Variants in NEO1 observed in about 807,000 individuals in gnomAD.
The protein encoded by NEO1 is neogenin 1, also known as neogenin.
In NEO1, 63 loss-of-function variants were observed where a neutral mutation model predicts 159.7. That is an observed-to-expected ratio of 0.39 (90% CI 0.32 to 0.49). The LOEUF (loss-of-function observed/expected upper bound fraction) is 0.49, where lower values mean the gene tolerates loss of function less well. NEO1 is among the 20% of genes least tolerant of loss of function. The probability of loss-of-function intolerance (pLI) is 0.85; values close to 1 mark genes in which losing one functional copy is unlikely to be tolerated. For synonymous variants in NEO1, 633 were observed against 662.0 expected, an observed-to-expected ratio of 0.96 and a Z score of 0.67; for missense variants, 1,615 against 1,831.0, an observed-to-expected ratio of 0.88 and a Z score of 2.15.
chr15:73,160,670 T>C (rs961673063), intron 5 of NEO1, among the ~76,000 whole-genome samples: 1 of 152,122 alleles, frequency 6.6e-6, no homozygotes, highest in African/African-American at 2.4e-5. Context: ...CCGTTTATTA[T>C]AAAGGATATT....
chr15:73,106,218 C>G (rs1172645685), intron 1 of NEO1, among the ~76,000 whole-genome samples: 2 of 152,002 alleles, frequency 1.3e-5, no homozygotes, highest in Non-Finnish European at 2.9e-5. Context: ...AATCTTTTAC[C>G]TTTTCCAGAA....
At chr15:73,077,108 A>T (rs2068805619) in intron 1 of NEO1, among the ~76,000 whole-genome samples, 1 of 152,122 alleles carries the variant, frequency 6.6e-6, no homozygotes, top group African/African-American at 2.4e-5. Context: ...TAGTGACATG[A>T]TCTCAGCTCC....
At chr15:73,268,429 A>T (rs1366199292) in intron 16 of NEO1, among the ~76,000 whole-genome samples, 1 of 152,240 alleles carries the variant, frequency 6.6e-6, no homozygotes, top group Non-Finnish European at 1.5e-5. Flanking sequence ...TTCTACAAGA[A>T]TTCTAATGAC....
chr15:73,246,124 G>A (rs929543911), intron 9 of NEO1, among the ~76,000 whole-genome samples: 2 of 152,162 alleles, frequency 1.3e-5, no homozygotes, highest in Non-Finnish European at 2.9e-5. Context: ...ACTTTCTAAT[G>A]CTATGGCATA....
chr15:73,088,899 G>A (rs8026121), intron 1 of NEO1, among the ~76,000 whole-genome samples: 45,025 of 151,906 alleles, frequency 0.3, 8,127 homozygotes, highest in Admixed American at 0.43. Flanking sequence ...GAAGGAAGAT[G>A]CTTCCTAAGA....
chr15:73,231,167 A>G (rs1449776239), intron 7 of NEO1, among the ~76,000 whole-genome samples: 1 of 152,218 alleles, frequency 6.6e-6, no homozygotes, highest in African/African-American at 2.4e-5. Flanking sequence ...GGAAGGATAT[A>G]AAATAGTTAA....
At chr15:73,073,529 G>C (rs2068633188) in intron 1 of NEO1, among the ~76,000 whole-genome samples, 1 of 152,084 alleles carries the variant, frequency 6.6e-6, no homozygotes, top group African/African-American at 2.4e-5. Context: ...AGTATGCAAG[G>C]AAAATGGGAT....
intron 1 of NEO1, among the ~76,000 whole-genome samples, chr15:73,110,368 T>G (rs1157867491): frequency 6.6e-6 from 1 of 152,224 alleles, no homozygotes; most frequent in African/African-American, 2.4e-5. Context: ...GCCCTGAGTT[T>G]CTGCTACTAC....
chr15:73,166,812 TGATGTGTACATG>T (rs2151912260), intron 5 of NEO1, among the ~76,000 whole-genome samples: 1 of 152,236 alleles, frequency 6.6e-6, no homozygotes, highest in South Asian at 2.1e-4. Flanking sequence ...CCCCCTTACC[TGATGTGTACATG>T]CCAACAGATC....
intron 7 of NEO1, among the ~76,000 whole-genome samples, chr15:73,185,146 A>G (rs1356312535): frequency 6.6e-6 from 1 of 152,170 alleles, no homozygotes; most frequent in Non-Finnish European, 1.5e-5. Flanking sequence ...AGAGCGATGA[A>G]TAAGCAGAAC....
intron 1 of NEO1, among the ~76,000 whole-genome samples, chr15:73,082,571 A>C (rs941369054): frequency 6.6e-6 from 1 of 152,238 alleles, no homozygotes; most frequent in Admixed American, 6.5e-5. Context: ...TGAAGTTCAC[A>C]GAACAAAGGA....
At chr15:73,219,228 C>T (rs1164571952) in intron 7 of NEO1, among the ~76,000 whole-genome samples, 6 of 152,008 alleles carry the variant, frequency 3.9e-5, no homozygotes, top group African/African-American at 7.2e-5. Context: ...TGTAGTTGAG[C>T]GGCTTTGAGT....
chr15:73,207,159 G>T (rs145081160), intron 7 of NEO1, among the ~76,000 whole-genome samples: 6 of 152,278 alleles, frequency 3.9e-5, no homozygotes, highest in Non-Finnish European at 8.8e-5. Context: ...GTTACTATTA[G>T]TAGTGGTAAG....
chr15:73,177,834 C>T (rs564531677), intron 6 of NEO1, among the ~76,000 whole-genome samples: 1 of 152,282 alleles, frequency 6.6e-6, no homozygotes, highest in Admixed American at 6.5e-5. Context: ...AGCCACTGCT[C>T]CTGGCCCAGT....
At chr15:73,055,778 G>A (rs900108186) in intron 1 of NEO1, among the ~76,000 whole-genome samples, 5 of 152,134 alleles carry the variant, frequency 3.3e-5, no homozygotes, top group South Asian at 2.1e-4. Context: ...AGGATTGCAT[G>A]GATTTGTCTT....
intron 5 of NEO1, among the ~76,000 whole-genome samples, chr15:73,146,065 TG>T (rs1426556780): frequency 3.9e-5 from 6 of 152,244 alleles, no homozygotes; most frequent in Non-Finnish European, 8.8e-5. Context: ...CAGAAACCTC[TG>T]AAACTCTGAC....
chr15:73,087,650 A>G (rs766321806), intron 1 of NEO1, among the ~76,000 whole-genome samples: 7 of 152,050 alleles, frequency 4.6e-5, no homozygotes, highest in Non-Finnish European at 8.8e-5. Context: ...TTACTTTCAT[A>G]ATCAGAATAA....
At position 73,189,398 on chromosome 15, in the gene NEO1, A is replaced by G. The variant is rs182914305; in HGVS notation, c.1291+10971A>G. 2.0e-3 allele frequency among the ~76,000 whole-genome samples: 307 copies of G among 152,342 alleles called. 2 individuals carry two copies. Among genetic ancestry groups the G allele is most frequent in the Non-Finnish European group, 3.3e-3 (223 of 68,022 alleles). On this transcript the variant is annotated intron_variant, in intron 7 of 28. Coordinates refer to ENST00000261908, the MANE Select transcript of NEO1 (RefSeq NM_002499.4). ...CGTTTGTTTGAAAATAAAAATCACCATGTAAGTGGAACCATGCAGTTCAAA... is the reference window on the plus strand; with the variant it reads ...CGTTTGTTTGAAAATAAAAATCACCGTGTAAGTGGAACCATGCAGTTCAAA...
At position 73,254,739 on chromosome 15, in the gene NEO1, G is replaced by A. The variant is rs896049037; in HGVS notation, c.2002G>A (p.Gly668Ser). The A allele has an allele frequency of 6.2e-7, 1 of 1,614,054 alleles. No individual in the cohort carries two copies. Among genetic ancestry groups the A allele is most frequent in the African/African-American group, 1.3e-5 (1 of 75,034 alleles). ...APATQNGQIT[G>S]YKIRYRKASR... ...AGCCACACAAAATGGGCAGATTACT[G>A]GCTACAAGATTCGCTACCGAAAGGC... The change falls in exon 13 of 29, where the codon GGC becomes AGC. Residue 668 changes from glycine (G) to serine (S), a missense_variant. By Grantham distance (56) the Gly-to-Ser change is moderately conservative. This residue lies in a region of NEO1 where 1,018 missense variants were observed against 1,115.4 expected (regional missense o/e 0.91). Transcript: ENST00000261908.
Sources: gnomAD v4.1 joint callset for allele counts (sites outside exome capture counted in the v4.1 genomes callset) on GRCh38, gnomAD v4.1.1 for gene constraint, gnomAD v4.1.1 regional missense constraint, MANE v1.5 for transcripts, NCBI Gene and HGNC (gene_info 2026-07-23, HGNC 2026-07-21) for gene names.